The following SULF1 variants were observed in gnomAD, a reference collection of about 807,000 sequenced individuals.
SULF1 encodes the protein extracellular sulfatase Sulf-1.
In SULF1, 46 loss-of-function variants were observed where a neutral mutation model predicts 110.5. That is an observed-to-expected ratio of 0.42 (90% CI 0.33 to 0.53). The LOEUF is 0.53. Among genes scored for constraint, SULF1 ranks in the 20% least tolerant of loss-of-function variants. The pLI is 0.12. For missense variants in SULF1, 941 were observed against 1,094.2 expected, an observed-to-expected ratio of 0.86 and a Z score of 1.98; for synonymous variants, 371 against 387.1, an observed-to-expected ratio of 0.96 and a Z score of 0.49.
chr8:69,656,574 T>G (rs1192855325), intron 22 of SULF1, among the ~76,000 whole-genome samples: 1 of 152,202 alleles, frequency 6.6e-6, no homozygotes. Flanking sequence ...CATGCAGTGT[T>G]TGGTTTTCTG....
chr8:69,642,444 A>T, intron 22 of SULF1: 2 of 976,856 alleles, frequency 2.0e-6, no homozygotes, highest in Non-Finnish European at 2.4e-6. Flanking sequence ...CTTCATCTTA[A>T]CTGTCCTCAA....
intron 6 of SULF1, among the ~76,000 whole-genome samples, chr8:69,580,918 T>C (rs1806017242): frequency 6.6e-6 from 1 of 152,330 alleles, no homozygotes; most frequent in African/African-American, 2.4e-5. Flanking sequence ...ATAGCAAGTA[T>C]ATTTATTCTC....
chr8:69,640,120 A>G (rs62512186), intron 21 of SULF1, among the ~76,000 whole-genome samples: 1 of 92,308 alleles, frequency 1.1e-5, no homozygotes, highest in East Asian at 2.7e-4. Context: ...AGGAAGGAAG[A>G]AAGGAAGGAA....
intron 13 of SULF1, among the ~76,000 whole-genome samples, chr8:69,607,826 C>T (rs1013354292): frequency 7.9e-5 from 12 of 152,154 alleles, no homozygotes; most frequent in African/African-American, 2.9e-4. Flanking sequence ...GAGGTGGCAG[C>T]GGAGGCTAGA....
chr8:69,501,324 G>A (rs568669885), intron 2 of SULF1, among the ~76,000 whole-genome samples: 5 of 152,060 alleles, frequency 3.3e-5, no homozygotes, highest in Admixed American at 1.3e-4. Context: ...CATTAAAATG[G>A]GAATTTCCTC....
rs530128297 is a variant in SULF1, at chr8:69,533,151, G to T, written c.-133-30388G>T. ...TACCTATTATCCCAGCAAGGACAGGGTTGTGTTGGGCAGTGGAAAATGGTA... is the reference window on the plus strand; with the variant it reads ...TACCTATTATCCCAGCAAGGACAGGTTTGTGTTGGGCAGTGGAAAATGGTA... On this transcript the variant is annotated intron_variant, in intron 3 of 22. Coordinates refer to ENST00000402687, the MANE Select transcript of SULF1 (RefSeq NM_001128205.2). Among the ~76,000 whole-genome samples the T allele has an allele frequency of 2.0e-5, 3 of 152,336 alleles. No individual in the cohort carries two copies. In the South Asian group the frequency reaches 6.2e-4, roughly 32 times the overall value.
At chr8:69,565,395 T>C (rs532525947) in intron 5 of SULF1, among the ~76,000 whole-genome samples, 10 of 152,322 alleles carry the variant, frequency 6.6e-5, no homozygotes, top group African/African-American at 2.4e-4. Context: ...TTTTAGAGCC[T>C]TGTGGGTCCA....
intron 6 of SULF1, among the ~76,000 whole-genome samples, chr8:69,580,926 C>T (rs1049215114): frequency 6.6e-6 from 1 of 152,012 alleles, no homozygotes; most frequent in African/African-American, 2.4e-5. Flanking sequence ...TATATTTATT[C>T]TCTAATATGA....
intron 22 of SULF1, 160 bp downstream of exon 22, chr8:69,641,001 C>G: frequency 1.8e-6 from 1 of 545,176 alleles, no homozygotes; most frequent in South Asian, 3.6e-5. Context: ...TCATTGATCA[C>G]AGAACTGTCA....
At chr8:69,598,065 CT>C (rs1807480399) in intron 8 of SULF1, among the ~76,000 whole-genome samples, 1 of 149,604 alleles carries the variant, frequency 6.7e-6, no homozygotes, top group Admixed American at 6.7e-5. Context: ...CCCCACTTCC[CT>C]TATGACTGTG....
chr8:69,645,850 G>T (rs1279450394), intron 22 of SULF1, among the ~76,000 whole-genome samples: 1 of 151,974 alleles, frequency 6.6e-6, no homozygotes, highest in African/African-American at 2.4e-5. Context: ...CTTCCAAACA[G>T]GGATGTTTTG....
intron 1 of SULF1, among the ~76,000 whole-genome samples, chr8:69,483,280 A>T (rs1220313539): frequency 6.6e-6 from 1 of 152,224 alleles, no homozygotes; most frequent in Non-Finnish European, 1.5e-5. Context: ...ATAATGATTT[A>T]TTAATAACCT....
chr8:69,638,508 CT>C lies in SULF1; in HGVS notation c.2294del (p.Phe765SerfsTer39). ...TTTCTTTTTTACCCAACAGTGGGATCTTTCTGTGCTTGCACGAGTTCTAACA... is the reference window on the plus strand; with the variant it reads ...TTTCTTTTTTACCCAACAGTGGGATCTTCTGTGCTTGCACGAGTTCTAACA... ...WQTAPFWNLG[S>X]FCACTSSNNN... On this transcript the variant is annotated frameshift_variant, in exon 20 of 23. Coordinates refer to ENST00000402687, the MANE Select transcript of SULF1 (RefSeq NM_001128205.2). LOFTEE classifies it high-confidence loss of function. 1 of 1,611,396 alleles carries C rather than the reference CT, an allele frequency of 6.2e-7. No homozygotes were observed. The highest frequency in any genetic ancestry group is 8.5e-7 in the Non-Finnish European group (1 of 1,179,540).
intron 3 of SULF1, among the ~76,000 whole-genome samples, chr8:69,505,886 G>A (rs972212830): frequency 2.0e-5 from 3 of 151,544 alleles, no homozygotes; most frequent in Non-Finnish European, 2.9e-5. Flanking sequence ...TATAACAGTC[G>A]CTTAAGAGTT....
intron 3 of SULF1, among the ~76,000 whole-genome samples, chr8:69,527,364 A>C (rs17644827): frequency 0.054 from 8,224 of 152,110 alleles, 413 homozygotes; most frequent in African/African-American, 0.13. Flanking sequence ...ATAATACAAA[A>C]ACCTGACAAT....
intron 3 of SULF1, among the ~76,000 whole-genome samples, chr8:69,510,949 C>CACACAT (rs1266126722): frequency 6.4e-5 from 2 of 31,460 alleles, no homozygotes; most frequent in Non-Finnish European, 1.8e-4. Context: ...CATCATTACA[C>CACACAT]ACACACACAC....
At chr8:69,568,277 A>G (rs1804946690) in intron 5 of SULF1, among the ~76,000 whole-genome samples, 1 of 152,198 alleles carries the variant, frequency 6.6e-6, no homozygotes, top group Non-Finnish European at 1.5e-5. Flanking sequence ...CTCACTGGGA[A>G]AGCATAAAAC....
At chr8:69,598,623 C>A (rs1383386299) in intron 8 of SULF1, among the ~76,000 whole-genome samples, 1 of 152,150 alleles carries the variant, frequency 6.6e-6, no homozygotes, top group Middle Eastern at 3.2e-3. Flanking sequence ...AACTCCTGAC[C>A]TCAGGTGATT....
intron 8 of SULF1, 48 bp from the exon 9 acceptor site, chr8:69,600,555 A>T: frequency 6.6e-7 from 1 of 1,511,000 alleles, no homozygotes; most frequent in South Asian, 1.3e-5. Context: ...TTTTCCTAAA[A>T]GACTAAGTAA....
Sources: allele counts gnomAD v4.1 joint callset (sites outside exome capture counted in the v4.1 genomes callset), GRCh38; gene constraint gnomAD v4.1.1; transcripts MANE v1.5; gene names NCBI Gene and HGNC (gene_info 2026-07-23, HGNC 2026-07-21).